ZNF91: variants seen among roughly 807,000 people sequenced by gnomAD.
ZNF91 encodes the protein zinc finger protein 91, also known as zinc finger protein 91 (HPF7, HTF10).
A neutral mutation model predicts 12.6 loss-of-function variants in ZNF91; 7 were observed. That is an observed-to-expected ratio of 0.55 (90% CI 0.31 to 1.04). The LOEUF (loss-of-function observed/expected upper bound fraction) is 1.04. ZNF91 is among the 50% of genes least tolerant of loss of function. ZNF91 has a pLI of 0.05. For missense variants in ZNF91, 1,217 were observed against 1,385.4 expected, an observed-to-expected ratio of 0.88 and a Z score of 1.93; for synonymous variants, 453 against 462.6, an observed-to-expected ratio of 0.98 and a Z score of 0.27.
intron 1 of ZNF91, among the ~76,000 whole-genome samples, chr19:23,386,106 C>T (rs1599757359): frequency 6.6e-6 from 1 of 151,956 alleles, no homozygotes; most frequent in East Asian, 1.9e-4. Flanking sequence ...ATACAGCTAA[C>T]CAGGAAGGTG....
upstream of ZNF91, among the ~76,000 whole-genome samples, chr19:23,312,925 G>C (rs561453219): frequency 6.6e-6 from 1 of 152,308 alleles, no homozygotes; most frequent in African/African-American, 2.4e-5. Context: ...GCAGTCAAAT[G>C]TTGGAAAATT....
chr19:23,350,332 A>G (rs1968331381), intron 3 of ZNF91, among the ~76,000 whole-genome samples: 1 of 152,156 alleles, frequency 6.6e-6, no homozygotes, highest in Non-Finnish European at 1.5e-5. Flanking sequence ...AAATGCTGGT[A>G]GGACCAGTAA....
rs986344706 is a variant in ZNF91 at position 23,363,988 on chromosome 19, C to CA, written c.254-1264dup. Among the ~76,000 whole-genome samples, 20 of 148,410 alleles carry CA rather than the reference C, an allele frequency of 1.3e-4. No homozygotes were observed. The East Asian group carries it at 1.6e-3, about 12-fold the overall frequency. On this transcript the variant is annotated intron_variant, in intron 3 of 3. Transcript: ENST00000300619. ...TAAGCACAATTTCAAAAGTCACAGA[C>CA]AAAAAAAAAATCTTTGAAGCTGCAA...
At chr19:23,312,898 G>A (rs145783086), upstream of ZNF91, among the ~76,000 whole-genome samples, 48 of 152,272 alleles carry the variant, frequency 3.2e-4, no homozygotes, top group Middle Eastern at 3.4e-3. Flanking sequence ...TTAAGGCTCT[G>A]GATTTCACAA....
chr19:23,346,408 C>T (rs1440620377), intron 3 of ZNF91, among the ~76,000 whole-genome samples: 1 of 152,064 alleles, frequency 6.6e-6, no homozygotes, highest in African/African-American at 2.4e-5. Flanking sequence ...TGGATGCCAC[C>T]ATCGAGACAA....
chr19:23,347,189 A>C (rs534425267), intron 3 of ZNF91, among the ~76,000 whole-genome samples: 1 of 152,194 alleles, frequency 6.6e-6, no homozygotes, highest in Admixed American at 6.5e-5. Flanking sequence ...CATCACCCTC[A>C]TTCGAGCTCT....
rs1003990219 is a variant in ZNF91 at position 23,340,967 on chromosome 19, C to T, written c.254-1913G>A. Among the ~76,000 whole-genome samples, 9 of 151,246 alleles carry T rather than the reference C, an allele frequency of 6.0e-5. No homozygotes were observed. The South Asian group carries it at 1.9e-3, about 32-fold the overall frequency. On this transcript the variant is annotated intron_variant, in intron 3 of 3. Transcript: ENST00000599743. ...ATTCTATTGACAATTGAGCAAATAA[C>T]ATTACTAATCATTTTTCAATAAAGA...
intron 1 of ZNF91, among the ~76,000 whole-genome samples, chr19:23,385,750 C>T (rs760518906): frequency 1.4e-4 from 21 of 152,190 alleles, no homozygotes; most frequent in African/African-American, 3.1e-4. Context: ...TTGGGCTCAC[C>T]GTAGAGAATT....
intron 1 of ZNF91, among the ~76,000 whole-genome samples, chr19:23,383,505 T>C (rs549684477): frequency 1.1e-4 from 17 of 151,926 alleles, no homozygotes; most frequent in Non-Finnish European, 2.2e-4. Flanking sequence ...CTGGCTGACA[T>C]AGCAAAACCC....
chr19:23,356,122 G>T (rs1051449558), downstream of ZNF91, among the ~76,000 whole-genome samples: 3 of 152,006 alleles, frequency 2.0e-5, no homozygotes, highest in Admixed American at 2.0e-4. Flanking sequence ...AGTCTGTAAA[G>T]AACTAAAAGT....
chr19:23,373,680 C>T (rs1245174410), intron 3 of ZNF91, 62 bp downstream of exon 3: 4 of 1,351,154 alleles, frequency 3.0e-6, no homozygotes, highest in Non-Finnish European at 4.2e-6. Context: ...CTTTAAAGAC[C>T]TGCTTTCTTC....
At chr19:23,352,166 C>T (rs1027552569) in intron 3 of ZNF91, among the ~76,000 whole-genome samples, 14 of 152,166 alleles carry the variant, frequency 9.2e-5, no homozygotes, top group African/African-American at 3.1e-4. Flanking sequence ...CCAACTTGCC[C>T]TCCACCTGGA....
chr19:23,363,450 A>C (rs907523264), intron 3 of ZNF91, among the ~76,000 whole-genome samples: 3 of 152,250 alleles, frequency 2.0e-5, no homozygotes, highest in Admixed American at 2.0e-4. Context: ...ACTCCTACAA[A>C]GTAACATAAG....
chr19:23,354,636 G>A (rs1968444079), downstream of ZNF91, among the ~76,000 whole-genome samples: 1 of 152,092 alleles, frequency 6.6e-6, no homozygotes, highest in Non-Finnish European at 1.5e-5. Context: ...TCAGACAAGA[G>A]AAAGAAATGA....
At chr19:23,352,187 G>C (rs879771840) in intron 3 of ZNF91, among the ~76,000 whole-genome samples, 1 of 152,072 alleles carries the variant, frequency 6.6e-6, no homozygotes, top group Non-Finnish European at 1.5e-5. Context: ...AACAGACTCG[G>C]GGCTGTTGTG....
intron 1 of ZNF91, among the ~76,000 whole-genome samples, chr19:23,317,997 CCCA>C (rs1239939715): frequency 6.6e-6 from 1 of 152,170 alleles, no homozygotes; most frequent in Non-Finnish European, 1.5e-5. Flanking sequence ...TCTGCCTGAG[CCCA>C]TCCCACAGAT....
At chr19:23,375,363 G>A (rs1158918346) in intron 1 of ZNF91, among the ~76,000 whole-genome samples, 1 of 152,050 alleles carries the variant, frequency 6.6e-6, no homozygotes, top group Non-Finnish European at 1.5e-5. Flanking sequence ...GTTTCACTGT[G>A]TTAGCCAGGA....
At chr19:23,372,075 T>A (rs1969301670) in intron 3 of ZNF91, among the ~76,000 whole-genome samples, 2 of 152,220 alleles carry the variant, frequency 1.3e-5, no homozygotes, top group African/African-American at 2.4e-5. Flanking sequence ...CTGTAATTCC[T>A]ATTTGCCTGC....
chr19:23,385,132 G>A (rs1969833781), intron 1 of ZNF91: 7 of 744,922 alleles, frequency 9.4e-6, no homozygotes, highest in Non-Finnish European at 1.7e-5. Flanking sequence ...ATGGCCAGCC[G>A]AAGACATGTT....
Sources: gnomAD v4.1 joint callset for allele counts (sites outside exome capture counted in the v4.1 genomes callset) on GRCh38, gnomAD v4.1.1 for gene constraint, MANE v1.5 for transcripts, NCBI Gene and HGNC (gene_info 2026-07-23, HGNC 2026-07-21) for gene names.